STAT4: variants seen among roughly 807,000 people sequenced by gnomAD.
The protein encoded by STAT4 is signal transducer and activator of transcription 4.
In STAT4, 42 loss-of-function variants were observed where a neutral mutation model predicts 110.5. The observed-to-expected ratio is 0.38, with a 90% CI of 0.30 to 0.49. The LOEUF (loss-of-function observed/expected upper bound fraction) is 0.49. Ranked by LOEUF, STAT4 falls within the 20% of genes least tolerant of loss-of-function variation. The pLI is 0.95. For missense variants in STAT4, 632 were observed against 887.9 expected (o/e 0.71, Z 3.66); for synonymous variants, 284 against 302.2 (o/e 0.94, Z 0.63).
rs1435722375 is a variant in STAT4, at chr2:191,144,758, G to A, written c.273+1855C>T. ...CCCTGATTTACACTGAGAAAATCCTGCTATTTTACCTACCAACAATAAGAA... is the reference window on the plus strand; with the variant it reads ...CCCTGATTTACACTGAGAAAATCCTACTATTTTACCTACCAACAATAAGAA... On this transcript the variant is annotated intron_variant, in intron 3 of 23. Transcript: ENST00000392320. The surrounding 1 kb of genome is among the most constrained non-coding windows in gnomAD (Gnocchi z 4.7). 6.6e-6 allele frequency among the ~76,000 whole-genome samples: 1 copy of A among 152,078 alleles called. No individual in the cohort carries two copies. The highest frequency in any genetic ancestry group is 1.5e-5 in the Non-Finnish European group (1 of 68,020).
In STAT4 at chr2:191,058,661, A is replaced by G; in HGVS notation, c.1094+49T>C. The G allele has an allele frequency of 8.7e-7, 1 of 1,147,696 alleles. No homozygotes were observed. The highest frequency in any genetic ancestry group is 1.6e-5 in the African/African-American group (1 of 64,122). The allele number at this position is 1,147,696 out of a possible 1,614,324, so 71.1% of individuals were successfully genotyped here. A position where few individuals can be genotyped will look rare whatever the true frequency, so the allele number is the denominator to read the frequency against. On this transcript the variant is annotated intron_variant, in intron 11 of 23. Coordinates refer to ENST00000392320, the MANE Select transcript of STAT4 (RefSeq NM_003151.4). The surrounding 1 kb of genome is among the most constrained non-coding windows in gnomAD (Gnocchi z 4.3). ...ATAAAATAAAGGCCATTCATTTTTA[A>G]AAGTCTTACATTTGGAATTGTAATT...
intron 16 of STAT4, among the ~76,000 whole-genome samples, chr2:191,038,950 G>A (rs1696116370): frequency 6.6e-6 from 1 of 152,180 alleles, no homozygotes; most frequent in Admixed American, 6.5e-5. Context: ...ATAGTTGGCA[G>A]CTGACCAGAC....
At chr2:191,048,161 T>C (rs1696403667) in intron 14 of STAT4, among the ~76,000 whole-genome samples, 1 of 152,222 alleles carries the variant, frequency 6.6e-6, no homozygotes, top group Non-Finnish European at 1.5e-5. Context: ...TTACGCTTTA[T>C]ATAATACTTT....
chr2:191,151,356 C>T (rs1699585904), upstream of STAT4: 2 of 985,548 alleles, frequency 2.0e-6, no homozygotes, highest in Admixed American at 1.2e-4. The surrounding 1 kb of genome is among the most constrained non-coding windows in gnomAD (Gnocchi z 4.7). Context: ...TCTTCAGCTT[C>T]CTCTCTCCCT....
At chr2:191,120,203 A>G (rs898619020) in intron 3 of STAT4, among the ~76,000 whole-genome samples, 4 of 152,232 alleles carry the variant, frequency 2.6e-5, no homozygotes, top group African/African-American at 7.2e-5. Context: ...AGCCTCAATT[A>G]AAACTAAGAA....
intron 3 of STAT4, among the ~76,000 whole-genome samples, chr2:191,111,602 C>G (rs1035294167): frequency 2.0e-5 from 3 of 152,148 alleles, no homozygotes; most frequent in Admixed American, 2.0e-4. Context: ...CCTGTAATCC[C>G]AACACTTCGG....
intron 3 of STAT4, chr2:191,131,895 T>C: frequency 7.0e-7 from 1 of 1,428,622 alleles, no homozygotes; most frequent in Non-Finnish European, 9.2e-7. Context: ...TAGCCAACCC[T>C]GGGGACTAAA....
intron 3 of STAT4, among the ~76,000 whole-genome samples, chr2:191,108,552 A>C (rs1698343490): frequency 6.6e-6 from 1 of 152,234 alleles, no homozygotes; most frequent in Non-Finnish European, 1.5e-5. Context: ...GTGGGGGAAG[A>C]AGAAAAGGGA....
intron 18 of STAT4, among the ~76,000 whole-genome samples, chr2:191,034,238 C>T (rs758475439): frequency 1.8e-4 from 28 of 152,018 alleles, no homozygotes; most frequent in Middle Eastern, 3.4e-3. Flanking sequence ...CTGACTAACA[C>T]GGTGAAACCC....
intron 14 of STAT4, among the ~76,000 whole-genome samples, chr2:191,047,959 C>T (rs538986524): frequency 6.6e-6 from 1 of 152,206 alleles, no homozygotes; most frequent in African/African-American, 2.4e-5. Flanking sequence ...AGCCAACACG[C>T]CTGGTCTATA....
At chr2:191,121,455 G>C (rs1574176081) in intron 3 of STAT4, among the ~76,000 whole-genome samples, 1 of 152,102 alleles carries the variant, frequency 6.6e-6, no homozygotes, top group Non-Finnish European at 1.5e-5. Flanking sequence ...TCATGCTGCT[G>C]TAAAGACACA....
In STAT4 at chr2:191,117,123, T is replaced by C. The variant is rs530160343; in HGVS notation, c.273+29490A>G. On this transcript the variant is annotated intron_variant, in intron 3 of 23. Transcript: ENST00000392320. This position sits in a 1 kb window ranked among gnomAD's most constrained non-coding sequence, Gnocchi z 5.2. Reference sequence around the variant, plus strand: ...TTTTCAAATGCGTCATTAGGGATTCTAATAAAGCAGGCAATGTTGAGAACA... The same window carrying C: ...TTTTCAAATGCGTCATTAGGGATTCCAATAAAGCAGGCAATGTTGAGAACA... Among the ~76,000 whole-genome samples, 14 of 152,320 alleles carry C rather than the reference T, an allele frequency of 9.2e-5. No individual in the cohort carries two copies. In the South Asian group the frequency reaches 2.5e-3, roughly 27 times the overall value.
chr2:191,111,114 T>C (rs1350394331), intron 3 of STAT4, among the ~76,000 whole-genome samples: 2 of 152,196 alleles, frequency 1.3e-5, no homozygotes. Flanking sequence ...AAATTTCAAA[T>C]GTAGAATATT....
intron 3 of STAT4, among the ~76,000 whole-genome samples, chr2:191,111,339 T>C (rs1212117641): frequency 6.6e-6 from 1 of 152,206 alleles, no homozygotes; most frequent in East Asian, 1.9e-4. Flanking sequence ...AAATATAAAT[T>C]AAGAAGCAGA....
At position 191,110,527 on chromosome 2, in the gene STAT4, T is replaced by C. The variant is rs999852292; in HGVS notation, c.274-34202A>G. ...AGCCTATCTGACATCCACGGGTATCTCTAACACACCATTTGGAGCTGGGTG... is the reference window on the plus strand; with the variant it reads ...AGCCTATCTGACATCCACGGGTATCCCTAACACACCATTTGGAGCTGGGTG... On this transcript the variant is annotated intron_variant, in intron 3 of 23. Transcript: ENST00000392320. The surrounding 1 kb of genome is among the most constrained non-coding windows in gnomAD (Gnocchi z 4.5). Among the ~76,000 whole-genome samples the C allele has an allele frequency of 1.3e-5, 2 of 152,180 alleles. No individual in the cohort carries two copies. Among genetic ancestry groups the C allele is most frequent in the Non-Finnish European group, 2.9e-5 (2 of 68,032 alleles).
chr2:191,141,676 G>T (rs1402431875), intron 3 of STAT4, among the ~76,000 whole-genome samples: 1 of 150,720 alleles, frequency 6.6e-6, no homozygotes, highest in Non-Finnish European at 1.5e-5. Flanking sequence ...TGTTGTCCAG[G>T]CTGGAGTGCA....
Position 191,039,178 on chromosome 2 carries a change from T to C in STAT4, c.1434+21A>G. On this transcript the variant is annotated intron_variant, in intron 16 of 23. Transcript: ENST00000392320. The surrounding 1 kb of genome is among the most constrained non-coding windows in gnomAD (Gnocchi z 4.7). The stretch of plus-strand genomic sequence containing the variant: ...ACAAATCGAATAGCATTAAAGAAGT[T>C]GAGGTAGAAATAGAGTCTACCTGGG... The C allele has an allele frequency of 6.3e-7, 1 of 1,596,166 alleles. No individual in the cohort carries two copies. Among genetic ancestry groups the C allele is most frequent in the African/African-American group, 1.3e-5 (1 of 74,682 alleles).
rs1695884002 is a variant in STAT4, at chr2:191,031,217, C to G, written c.2112-137G>C. 2 of 974,466 alleles carry G rather than the reference C, an allele frequency of 2.1e-6. No homozygotes were observed. The highest frequency in any genetic ancestry group is 4.8e-5 in the Admixed American group (2 of 41,304). The allele number at this position is 974,466 out of a possible 1,614,324, so 60.4% of individuals were successfully genotyped here. On this transcript the variant is annotated intron_variant, in intron 22 of 23. Transcript: ENST00000392320. The surrounding 1 kb of genome is among the most constrained non-coding windows in gnomAD (Gnocchi z 4.8). ...AGTTATCTAATTCATCATTTCATAT[C>G]AGAACACTCAACTTACTGTGGCATA...
At position 191,073,031 on chromosome 2, in the gene STAT4, G is replaced by A; in HGVS notation, c.465+67C>T. ...GTATACATTAACTTTGGGTGCATGG[G>A]AGAATGGTGCATAGTTATATGGGGA... On this transcript the variant is annotated intron_variant, in intron 5 of 23. Coordinates refer to ENST00000392320, the MANE Select transcript of STAT4 (RefSeq NM_003151.4). 3 of 1,335,236 alleles carry A rather than the reference G, an allele frequency of 2.2e-6. No individual in the cohort carries two copies. In the Admixed American group the frequency reaches 5.7e-5, roughly 25 times the overall value. The allele number at this position is 1,335,236 out of a possible 1,614,324, so 82.7% of individuals were successfully genotyped here. A position where few individuals can be genotyped will look rare whatever the true frequency, so the allele number is the denominator to read the frequency against.
Sources: allele counts gnomAD v4.1 joint callset (sites outside exome capture counted in the v4.1 genomes callset), GRCh38; gene constraint gnomAD v4.1.1; non-coding constraint Gnocchi (gnomAD v3.1); transcripts MANE v1.5; gene names NCBI Gene and HGNC (gene_info 2026-07-23, HGNC 2026-07-21).